MYO19: variants seen among roughly 807,000 people sequenced by gnomAD.
The protein encoded by MYO19 is myosin XIX, also known as unconventional myosin-XIX.
A neutral mutation model predicts 129.2 loss-of-function variants in MYO19; 132 were observed. The observed-to-expected ratio is 1.02, with a 90% CI of 0.89 to 1.18. The LOEUF is 1.18. Among genes scored for constraint, MYO19 ranks in the 50% most tolerant of loss-of-function variants. The pLI is 0.00. For missense variants in MYO19, 1,210 were observed against 1,216.7 expected (o/e 0.99, Z 0.08); for synonymous variants, 531 against 477.2 (o/e 1.11, Z -1.47).
At chr17:36,537,616 G>A (rs2074160316), upstream of MYO19, 1 of 1,614,004 alleles carries the variant, frequency 6.2e-7, no homozygotes, top group African/African-American at 1.3e-5. Flanking sequence ...TTTGGAGTAG[G>A]TGGCTTTGTT....
chr17:36,526,027 G>A (rs1014654554), intron 5 of MYO19, among the ~76,000 whole-genome samples: 4 of 152,144 alleles, frequency 2.6e-5, no homozygotes, highest in Non-Finnish European at 5.9e-5. Context: ...TCTCCACAAT[G>A]CCTAGCTAAC....
chr17:36,511,697 A>G (rs753487705), intron 11 of MYO19, among the ~76,000 whole-genome samples: 14 of 152,194 alleles, frequency 9.2e-5, no homozygotes, highest in Non-Finnish European at 1.8e-4. Flanking sequence ...GACTGAGGAC[A>G]CGTGCTTCCT....
At chr17:36,527,998 C>T in intron 4 of MYO19, 66 bp downstream of exon 4, 1 of 1,570,656 alleles carries the variant, frequency 6.4e-7, no homozygotes, top group Non-Finnish European at 8.7e-7. Flanking sequence ...AGAAGCTGTG[C>T]TGACTACTCT....
intron 6 of MYO19, among the ~76,000 whole-genome samples, chr17:36,518,660 A>C (rs2072955335): frequency 6.7e-6 from 1 of 149,746 alleles, no homozygotes; most frequent in Non-Finnish European, 1.5e-5. Context: ...AATGGTAACA[A>C]TGTTTATATG....
At chr17:36,527,262 TAA>T (rs2073529960) in intron 5 of MYO19, among the ~76,000 whole-genome samples, 5 of 152,182 alleles carry the variant, frequency 3.3e-5, no homozygotes, top group Admixed American at 6.5e-5. Flanking sequence ...CCTTTCCTGT[TAA>T]TAAAACCGCA....
chr17:36,519,439 C>T (rs1384401455), intron 6 of MYO19, among the ~76,000 whole-genome samples: 5 of 152,126 alleles, frequency 3.3e-5, no homozygotes, highest in South Asian at 4.1e-4. Context: ...AACTTATCCA[C>T]GAGTAGACCA....
intron 21 of MYO19, 38 bp downstream of exon 21, chr17:36,503,057 CTG>C: frequency 6.6e-7 from 1 of 1,526,374 alleles, no homozygotes; most frequent in Non-Finnish European, 9.1e-7. Flanking sequence ...GCTCAGTAAA[CTG>C]TGGTTGCACA....
At chr17:36,541,028 A>G (rs11263770) in intron 2 of MYO19, among the ~76,000 whole-genome samples, 85,094 of 151,582 alleles carry the variant, frequency 0.56, 24,209 homozygotes, top group East Asian at 0.64. Context: ...TTGCTCTGTT[A>G]CCCAGGCTAG....
intron 6 of MYO19, among the ~76,000 whole-genome samples, chr17:36,516,951 T>C (rs1320322761): frequency 2.6e-5 from 4 of 152,180 alleles, no homozygotes; most frequent in Non-Finnish European, 5.9e-5. Context: ...AAATGTTTGG[T>C]AGAATTCACA....
At chr17:36,522,647 A>G (rs182340197) in intron 6 of MYO19, among the ~76,000 whole-genome samples, 3 of 152,180 alleles carry the variant, frequency 2.0e-5, no homozygotes, top group Middle Eastern at 3.4e-3. Flanking sequence ...ACGCGGGAAG[A>G]TCACTTGAGG....
Position 36,498,027 on chromosome 17 carries a change from G to A in MYO19, c.2757+239C>T, listed in dbSNP as rs147344164. ...TGGAAATGGGACTAGAAGATTTAGA[G>A]ATGCTGAAATAATTAGAAGCAGTTT... On this transcript the variant is annotated intron_variant, in intron 25 of 25. Coordinates refer to ENST00000614623, the MANE Select transcript of MYO19 (RefSeq NM_001163735.2). 361 of 519,898 alleles carry A rather than the reference G, an allele frequency of 6.9e-4. 2 individuals carry two copies. The highest frequency in any genetic ancestry group is 6.3e-3 in the African/African-American group (335 of 52,954). 32.2% of individuals were successfully genotyped at this position (519,898 alleles called of 1,614,324 possible). A position where few individuals can be genotyped will look rare whatever the true frequency, so the allele number is the denominator to read the frequency against.
intron 3 of MYO19, among the ~76,000 whole-genome samples, chr17:36,531,537 G>A (rs945100013): frequency 6.6e-6 from 1 of 151,422 alleles, no homozygotes; most frequent in Non-Finnish European, 1.5e-5. Flanking sequence ...ACATTGAAAA[G>A]TATTATATTT....
intron 1 of MYO19, among the ~76,000 whole-genome samples, chr17:36,534,419 GCAGCTGCCCTGACACCTCCCGGGAC>G (rs2074006766): frequency 6.6e-6 from 1 of 152,160 alleles, no homozygotes; most frequent in Non-Finnish European, 1.5e-5. Flanking sequence ...AGCCAAGGGC[GCAGCTGCCCTGACACCTCCCGGGAC>G]CAGCCGCCCC....
intron 16 of MYO19, 28 bp downstream of exon 16, chr17:36,507,371 T>C (rs1421964363): frequency 1.3e-6 from 2 of 1,598,272 alleles, no homozygotes; most frequent in East Asian, 2.2e-5. Context: ...CCAACTCTGG[T>C]GCTCGGCTCA....
chr17:36,537,372 G>A, upstream of MYO19: 2 of 1,613,628 alleles, frequency 1.2e-6, no homozygotes, highest in Non-Finnish European at 8.5e-7. Context: ...TATCTTTGGG[G>A]CAGGGCTGTT....
chr17:36,520,420 A>G (rs1207231289), intron 6 of MYO19, among the ~76,000 whole-genome samples: 2 of 152,172 alleles, frequency 1.3e-5, no homozygotes, highest in Non-Finnish European at 2.9e-5. Context: ...TAAAAATATT[A>G]CTTTTGACCC....
chr17:36,501,119 G>C lies in MYO19; in HGVS notation c.2197C>G (p.Pro733Ala). The C allele has an allele frequency of 3.1e-6, 5 of 1,614,024 alleles. No homozygotes were observed. Among genetic ancestry groups the C allele is most frequent in the Non-Finnish European group, 4.2e-6 (5 of 1,179,882 alleles). Residue 733 changes from proline (P) to alanine (A), a missense_variant, in exon 22 of 26, where the codon CCA (proline) becomes GCA (alanine). By Grantham distance (27) the Pro-to-Ala change is conservative (BLOSUM62 -1). Transcript: ENST00000614623. ...AITGDSAEAMPAPMHCGRTKV... is the reference protein window; with the variant it reads ...AITGDSAEAMAAPMHCGRTKV... ...GTCCTGCCACAGTGCATGGGGGCTG[G>C]CATGGCCTCAGCCGAGTCACCAGTT...
At chr17:36,517,023 T>C (rs531810266) in intron 6 of MYO19, among the ~76,000 whole-genome samples, 2 of 152,368 alleles carry the variant, frequency 1.3e-5, no homozygotes, top group East Asian at 3.9e-4. Flanking sequence ...GACTTCAATT[T>C]CTTTCAGAAA....
chr17:36,508,608 T>C, intron 14 of MYO19: 1 of 172,300 alleles, frequency 5.8e-6, no homozygotes, highest in Non-Finnish European at 1.2e-5. Context: ...GCCTGGCTAA[T>C]TTCTTTGAAA....
Sources: allele counts gnomAD v4.1 joint callset (sites outside exome capture counted in the v4.1 genomes callset), GRCh38; gene constraint gnomAD v4.1.1; transcripts MANE v1.5; gene names NCBI Gene and HGNC (gene_info 2026-07-23, HGNC 2026-07-21).